The following UBASH3B variants were observed in gnomAD, a reference collection of about 807,000 sequenced individuals.
UBASH3B encodes ubiquitin associated and SH3 domain containing B.
A neutral mutation model predicts 83.4 loss-of-function variants in UBASH3B; 37 were observed. That is an observed-to-expected ratio of 0.44 (90% CI 0.34 to 0.58). The LOEUF (loss-of-function observed/expected upper bound fraction) is 0.58, where lower values mean the gene tolerates loss of function less well. Ranked by LOEUF, UBASH3B falls within the 20% of genes least tolerant of loss-of-function variation. The probability of loss-of-function intolerance (pLI) is 0.01; values close to 1 mark genes in which losing one functional copy is unlikely to be tolerated. For missense variants in UBASH3B, 657 were observed against 827.2 expected (o/e 0.79, Z 2.52); for synonymous variants, 304 against 318.3 (o/e 0.96, Z 0.48).
At chr11:122,802,119 A>C (rs1861267348) in intron 11 of UBASH3B, among the ~76,000 whole-genome samples, 2 of 152,178 alleles carry the variant, frequency 1.3e-5, no homozygotes, top group South Asian at 4.1e-4. Flanking sequence ...GATCAAGACC[A>C]GCCTGTCCAA....
At position 122,655,815 on chromosome 11, in the gene UBASH3B, G is replaced by C. The variant is rs1157719664; in HGVS notation, c.-235G>C. The stretch of plus-strand genomic sequence containing the variant: ...CAGAGCTGGGGGCAGCCGGGGGCCC[G>C]AGTGGCTGAGGCTGGTCCCGCAGCG... On this transcript the variant is annotated 5_prime_UTR_variant, in exon 1 of 14. Coordinates refer to ENST00000284273, the MANE Select transcript of UBASH3B (RefSeq NM_032873.5). The C allele has an allele frequency of 2.2e-6, 1 of 453,342 alleles. No individual in the cohort carries two copies. 28.1% of individuals were successfully genotyped at this position (453,342 alleles called of 1,614,324 possible).
chr11:122,774,819 A>G (rs906807683), intron 1 of UBASH3B, among the ~76,000 whole-genome samples: 2 of 152,170 alleles, frequency 1.3e-5, no homozygotes, highest in Non-Finnish European at 2.9e-5. Flanking sequence ...TCACTATAGA[A>G]TAGATGTACC....
At chr11:122,691,488 C>T (rs1863896607) in intron 1 of UBASH3B, among the ~76,000 whole-genome samples, 1 of 152,216 alleles carries the variant, frequency 6.6e-6, no homozygotes, top group African/African-American at 2.4e-5. Flanking sequence ...TAACCCCTTT[C>T]CTCTCGTGCA....
chr11:122,766,646 G>A (rs2135125420), intron 1 of UBASH3B, among the ~76,000 whole-genome samples: 1 of 152,350 alleles, frequency 6.6e-6, no homozygotes, highest in African/African-American at 2.4e-5. Context: ...AGGAGGCTGA[G>A]GCAGGAGAAT....
rs776206997 is a variant in UBASH3B at position 122,779,474 on chromosome 11, A to C, written c.403-23A>C. Reference sequence around the variant, plus strand: ...TCCATCTCCCCTTGTCTCTGAGTGAAGACTGCCTGTTTTCCCTGCCAGTGC... The same window carrying C: ...TCCATCTCCCCTTGTCTCTGAGTGACGACTGCCTGTTTTCCCTGCCAGTGC... On this transcript the variant is annotated intron_variant, in intron 3 of 13. Transcript: ENST00000284273. The C allele has an allele frequency of 1.3e-5, 21 of 1,612,946 alleles. 1 individual carries two copies. In the African/African-American group the frequency reaches 2.4e-4, roughly 18 times the overall value.
intron 1 of UBASH3B, among the ~76,000 whole-genome samples, chr11:122,739,843 T>C (rs1860996158): frequency 6.6e-6 from 1 of 152,232 alleles, no homozygotes; most frequent in Non-Finnish European, 1.5e-5. Flanking sequence ...ACCTACAAGA[T>C]GGATAACACA....
At chr11:122,768,968 C>A (rs1860598415) in intron 1 of UBASH3B, among the ~76,000 whole-genome samples, 1 of 152,202 alleles carries the variant, frequency 6.6e-6, no homozygotes, top group Non-Finnish European at 1.5e-5. Flanking sequence ...AGGGCAGAGC[C>A]ACCAGGTGCA....
At chr11:122,787,435 G>C (rs1050388124) in intron 5 of UBASH3B, among the ~76,000 whole-genome samples, 8 of 152,152 alleles carry the variant, frequency 5.3e-5, no homozygotes, top group African/African-American at 1.9e-4. Flanking sequence ...CTACATAAAA[G>C]GAAAATCGGA....
At position 122,759,205 on chromosome 11, in the gene UBASH3B, G is replaced by A. The variant is rs1294980338; in HGVS notation, c.162-17014G>A. ...TGAGGGCCCCAGCTTTTTGTTGGAT[G>A]TTGGCTACAAGCCACTCTCAGGTCC... On this transcript the variant is annotated intron_variant, in intron 1 of 13. Coordinates refer to ENST00000284273, the MANE Select transcript of UBASH3B (RefSeq NM_032873.5). This position sits in a 1 kb window ranked among gnomAD's most constrained non-coding sequence, Gnocchi z 4.1. 6.6e-6 allele frequency among the ~76,000 whole-genome samples: 1 copy of A among 152,214 alleles called. No individual in the cohort carries two copies. The highest frequency in any genetic ancestry group is 1.5e-5 in the Non-Finnish European group (1 of 68,028).
rs773483857 is a variant in UBASH3B at position 122,758,777 on chromosome 11, C to T, written c.162-17442C>T. Among the ~76,000 whole-genome samples the T allele has an allele frequency of 1.3e-4, 20 of 152,268 alleles. No homozygotes were observed. The highest frequency in any genetic ancestry group is 7.8e-4 in the Admixed American group (12 of 15,306). On this transcript the variant is annotated intron_variant, in intron 1 of 13. Coordinates refer to ENST00000284273, the MANE Select transcript of UBASH3B (RefSeq NM_032873.5). The surrounding 1 kb of genome is among the most constrained non-coding windows in gnomAD (Gnocchi z 4.2). ...ATCAAGTTTTAACTGATGGCAGGAG[C>T]GAAATGCAATGAATTCAGATCAGCA...
At chr11:122,695,043 C>G (rs1270890776) in intron 1 of UBASH3B, among the ~76,000 whole-genome samples, 1 of 144,086 alleles carries the variant, frequency 6.9e-6, no homozygotes, top group Non-Finnish European at 1.5e-5. Flanking sequence ...AGCTCACCAC[C>G]ACCTCTGCCT....
intron 1 of UBASH3B, among the ~76,000 whole-genome samples, chr11:122,762,393 G>A (rs1253724546): frequency 6.6e-6 from 1 of 152,216 alleles, no homozygotes; most frequent in Non-Finnish European, 1.5e-5. Flanking sequence ...CTGCGAGGAA[G>A]AAGGCAGCCC....
At chr11:122,798,096 G>T (rs1415399953) in intron 9 of UBASH3B, among the ~76,000 whole-genome samples, 1 of 151,894 alleles carries the variant, frequency 6.6e-6, no homozygotes, top group African/African-American at 2.4e-5. Context: ...CTGCACTGAG[G>T]TATGATCACA....
At chr11:122,733,045 C>T (rs1348330481) in intron 1 of UBASH3B, among the ~76,000 whole-genome samples, 1 of 152,166 alleles carries the variant, frequency 6.6e-6, no homozygotes, top group African/African-American at 2.4e-5. Flanking sequence ...CAAGGGTCTC[C>T]CCACCCAACT....
At chr11:122,788,963 C>T (rs1490083153) in intron 5 of UBASH3B, 137 bp from the exon 6 acceptor site, 5 of 739,706 alleles carry the variant, frequency 6.8e-6, no homozygotes, top group African/African-American at 1.8e-5. Flanking sequence ...TACTCAGGGC[C>T]TGCAGACCCC....
chr11:122,785,056 A>C (rs1860924158), intron 5 of UBASH3B, among the ~76,000 whole-genome samples: 1 of 152,218 alleles, frequency 6.6e-6, no homozygotes, highest in Non-Finnish European at 1.5e-5. Flanking sequence ...GGAAGGTGGC[A>C]GTGGAATTTT....
intron 4 of UBASH3B, among the ~76,000 whole-genome samples, chr11:122,782,059 A>G (rs1211029981): frequency 6.6e-6 from 1 of 152,142 alleles, no homozygotes; most frequent in African/African-American, 2.4e-5. Context: ...TAGTTTGTAC[A>G]GTAGATGATT....
intron 1 of UBASH3B, among the ~76,000 whole-genome samples, chr11:122,700,217 C>G (rs1446307241): frequency 6.6e-6 from 1 of 152,196 alleles, no homozygotes; most frequent in Non-Finnish European, 1.5e-5. Flanking sequence ...GATCCAATTC[C>G]TCAACACTTT....
chr11:122,676,822 G>A (rs995283073), intron 1 of UBASH3B, among the ~76,000 whole-genome samples: 6 of 152,196 alleles, frequency 3.9e-5, no homozygotes, highest in Non-Finnish European at 7.4e-5. Context: ...TCACCTTCTG[G>A]CCCTTCCTGC....
Sources: gnomAD v4.1 joint callset for allele counts (sites outside exome capture counted in the v4.1 genomes callset) on GRCh38, gnomAD v4.1.1 for gene constraint, Gnocchi (gnomAD v3.1) non-coding constraint, MANE v1.5 for transcripts, NCBI Gene and HGNC (gene_info 2026-07-23, HGNC 2026-07-21) for gene names.